Variants in CRACD observed in about 807,000 individuals in gnomAD.
The protein encoded by CRACD is capping protein-inhibiting regulator of actin dynamics.
CRACD carries 56 observed loss-of-function variants against 106.8 expected under a neutral mutation model. The observed-to-expected ratio is 0.52, with a 90% CI of 0.42 to 0.66. CRACD has a LOEUF of 0.66. Ranked by LOEUF, CRACD falls within the 30% of genes least tolerant of loss-of-function variation. CRACD has a pLI of 0.00. For missense variants in CRACD, 1,730 were observed against 1,623.2 expected (o/e 1.07, Z -1.13); for synonymous variants, 754 against 670.8 (o/e 1.12, Z -1.92).
At chr4:56,071,239 G>A (rs1732636988) in intron 1 of CRACD, among the ~76,000 whole-genome samples, 1 of 152,176 alleles carries the variant, frequency 6.6e-6, no homozygotes, top group Admixed American at 6.5e-5. Context: ...GGCAAATTGA[G>A]TCCTTGCAAG....
intron 2 of CRACD, among the ~76,000 whole-genome samples, chr4:56,216,869 A>G (rs1226095016): frequency 6.6e-6 from 1 of 150,598 alleles, no homozygotes; most frequent in Non-Finnish European, 1.5e-5. Context: ...AGTCCCAGCT[A>G]CTCGGGAGGC....
chr4:56,224,149 T>A (rs1002816023), intron 2 of CRACD, among the ~76,000 whole-genome samples: 7 of 114,572 alleles, frequency 6.1e-5, no homozygotes, highest in African/African-American at 1.9e-4. Flanking sequence ...TTCTTCGCTA[T>A]TTTTTTTTAT....
chr4:56,313,167 A>G (rs370746814), intron 6 of CRACD, 30 bp from the exon 7 acceptor site: 218 of 1,595,876 alleles, frequency 1.4e-4, no homozygotes, highest in African/African-American at 4.2e-4. Flanking sequence ...TCTGATCCCA[A>G]CTGACTTTCT....
intron 3 of CRACD, among the ~76,000 whole-genome samples, chr4:56,295,893 A>G (rs1743993795): frequency 6.6e-6 from 1 of 152,064 alleles, no homozygotes. Context: ...AGTTTGTGAC[A>G]TAGGTCCCAG....
chr4:56,217,972 G>C (rs1738799789), intron 2 of CRACD, among the ~76,000 whole-genome samples: 1 of 152,158 alleles, frequency 6.6e-6, no homozygotes, highest in Non-Finnish European at 1.5e-5. Context: ...TCTTGCCTCT[G>C]TCCTGGCTTC....
rs141863254 is a variant in CRACD at position 56,303,080 on chromosome 4, C to CA, written c.121-4454dup. ...AGTCTGGAGGCTGGGTGTGGTGGCT[C>CA]ATGCCTATAATTCGAGCACTCTGGG... On this transcript the variant is annotated intron_variant, in intron 4 of 10. Coordinates refer to ENST00000682029, the MANE Select transcript of CRACD (RefSeq NM_001393381.1). 4.7e-3 allele frequency among the ~76,000 whole-genome samples: 716 copies of CA among 152,298 alleles called. 2 individuals are homozygous for CA. Among genetic ancestry groups the CA allele is most frequent in the African/African-American group, 0.017 (686 of 41,562 alleles).
chr4:56,218,171 T>C (rs1738814762), intron 2 of CRACD, among the ~76,000 whole-genome samples: 1 of 152,196 alleles, frequency 6.6e-6, no homozygotes, highest in Non-Finnish European at 1.5e-5. Flanking sequence ...CTTCAAATAA[T>C]GTTACATTCT....
chr4:56,327,596 G>A (rs6826795), intron 10 of CRACD, 48 bp from the exon 11 acceptor site: 1,047,437 of 1,542,860 alleles, frequency 0.68, 357,183 homozygotes, highest in Admixed American at 0.78. Flanking sequence ...AAAATTTGTA[G>A]TGTGGCTGTG....
intron 1 of CRACD, among the ~76,000 whole-genome samples, chr4:56,119,680 T>G (rs1734418731): frequency 6.6e-6 from 1 of 152,124 alleles, no homozygotes; most frequent in Admixed American, 6.6e-5. Context: ...AGTTTTACAA[T>G]TTTAATCCTC....
chr4:56,152,265 G>T (rs148526574), intron 1 of CRACD, among the ~76,000 whole-genome samples: 4,555 of 151,442 alleles, frequency 0.03, 223 homozygotes, highest in African/African-American at 0.1. Context: ...GATCCACCCG[G>T]CTCGGCCTCC....
chr4:56,292,785 A>G (rs750089471), intron 3 of CRACD, among the ~76,000 whole-genome samples: 1 of 152,116 alleles, frequency 6.6e-6, no homozygotes, highest in Non-Finnish European at 1.5e-5. Context: ...CGGCCTCCCA[A>G]AGTGCTGGGA....
chr4:56,186,505 C>T (rs1031653415), intron 2 of CRACD, among the ~76,000 whole-genome samples: 2 of 152,120 alleles, frequency 1.3e-5, no homozygotes, highest in African/African-American at 4.8e-5. Context: ...ACTAGTTTGA[C>T]AAGAAATAGC....
At chr4:56,158,406 TC>T (rs1257452735) in intron 1 of CRACD, among the ~76,000 whole-genome samples, 1 of 152,132 alleles carries the variant, frequency 6.6e-6, no homozygotes, top group Non-Finnish European at 1.5e-5. Context: ...TAAAAATAAT[TC>T]CTCTAAAGGA....
chr4:56,174,089 C>A (rs1043994423), intron 1 of CRACD, among the ~76,000 whole-genome samples: 1 of 152,188 alleles, frequency 6.6e-6, no homozygotes, highest in African/African-American at 2.4e-5. Flanking sequence ...GTAGGAGTCA[C>A]ACTAGAATGG....
chr4:56,177,572 C>T (rs923773332), intron 1 of CRACD, among the ~76,000 whole-genome samples: 1 of 152,068 alleles, frequency 6.6e-6, no homozygotes, highest in Non-Finnish European at 1.5e-5. Context: ...CAATTTGTTG[C>T]AACAGTTTGA....
chr4:56,189,850 G>C (rs1737283761), intron 2 of CRACD, among the ~76,000 whole-genome samples: 1 of 145,256 alleles, frequency 6.9e-6, no homozygotes. Context: ...TTAAGTTTTA[G>C]GGTACATGTG....
intron 2 of CRACD, among the ~76,000 whole-genome samples, chr4:56,267,994 A>G (rs1577832490): frequency 1.3e-5 from 2 of 152,140 alleles, no homozygotes; most frequent in South Asian, 4.2e-4. Context: ...CCTTGTGTGT[A>G]TTCAGCTCCT....
intron 1 of CRACD, among the ~76,000 whole-genome samples, chr4:56,133,607 G>A (rs892898723): frequency 3.3e-5 from 5 of 152,156 alleles, no homozygotes; most frequent in African/African-American, 1.2e-4. Flanking sequence ...AACAAGAAGT[G>A]AATGTCTTTC....
At chr4:56,097,453 G>A (rs1262016077) in intron 1 of CRACD, 4 of 152,816 alleles carry the variant, frequency 2.6e-5, no homozygotes, top group South Asian at 4.2e-4. Flanking sequence ...AAGCAGGGTC[G>A]GGCCTGGTTA....
Sources: allele counts gnomAD v4.1 joint callset (sites outside exome capture counted in the v4.1 genomes callset), GRCh38; gene constraint gnomAD v4.1.1; transcripts MANE v1.5; gene names NCBI Gene and HGNC (gene_info 2026-07-23, HGNC 2026-07-21).